The following ZFHX3 variants were observed in gnomAD, a reference collection of about 807,000 sequenced individuals.
ZFHX3 encodes zinc finger homeobox protein 3.
A neutral mutation model predicts 279.1 loss-of-function variants in ZFHX3; 42 were observed. The ratio of observed to expected loss-of-function variants is 0.15; its 90% CI spans 0.12 to 0.19. The LOEUF (loss-of-function observed/expected upper bound fraction) is 0.19, where lower values mean the gene tolerates loss of function less well. Among genes scored for constraint, ZFHX3 ranks in the 10% least tolerant of loss-of-function variants. The probability of loss-of-function intolerance (pLI) is 1.00; values close to 1 mark genes in which losing one functional copy is unlikely to be tolerated. For missense variants in ZFHX3, 4,981 were observed against 4,754.0 expected, an observed-to-expected ratio of 1.05 and a Z score of -1.40; for synonymous variants, 2,293 against 1,957.8, an observed-to-expected ratio of 1.17 and a Z score of -4.52.
chr16:73,836,436 G>A (rs372141587), intron 1 of ZFHX3, among the ~76,000 whole-genome samples: 2 of 152,174 alleles, frequency 1.3e-5, no homozygotes, highest in Non-Finnish European at 2.9e-5. Flanking sequence ...TGGAGGGAAG[G>A]AAACTTTAAA....
chr16:72,876,796 ATAAAT>A (rs1357869997), intron 4 of ZFHX3, among the ~76,000 whole-genome samples: 1 of 152,186 alleles, frequency 6.6e-6, no homozygotes, highest in Non-Finnish European at 1.5e-5. Flanking sequence ...GATTTTTAAA[ATAAAT>A]TAAATTTGTC....
At chr16:73,600,712 G>A (rs146956328) in intron 2 of ZFHX3, among the ~76,000 whole-genome samples, 26 of 152,242 alleles carry the variant, frequency 1.7e-4, no homozygotes, top group African/African-American at 5.3e-4. Flanking sequence ...GAGCCACCAT[G>A]CCTGGCCATT....
chr16:73,738,900 T>C (rs2053630465), intron 1 of ZFHX3, among the ~76,000 whole-genome samples: 2 of 152,122 alleles, frequency 1.3e-5, no homozygotes, highest in Admixed American at 1.3e-4. Flanking sequence ...AGGGTATTTC[T>C]CCCCCTTCCT....
intron 3 of ZFHX3, among the ~76,000 whole-genome samples, chr16:73,337,181 C>T (rs897143850): frequency 6.6e-6 from 1 of 152,184 alleles, no homozygotes; most frequent in African/African-American, 2.4e-5. Flanking sequence ...GATGCTTATC[C>T]TTCATGGCTG....
At chr16:73,812,179 T>A (rs1960446471) in intron 1 of ZFHX3, among the ~76,000 whole-genome samples, 1 of 152,092 alleles carries the variant, frequency 6.6e-6, no homozygotes, top group Admixed American at 6.5e-5. Flanking sequence ...AGGGCTGTAT[T>A]CTCTAGGTAC....
At chr16:73,360,590 T>C (rs1219465767) in intron 3 of ZFHX3, among the ~76,000 whole-genome samples, 11 of 152,232 alleles carry the variant, frequency 7.2e-5, no homozygotes, top group Admixed American at 7.2e-4. Context: ...CCACCCACCT[T>C]GGCCTACCAA....
chr16:73,397,033 C>T (rs527908364), intron 3 of ZFHX3, among the ~76,000 whole-genome samples: 4 of 152,334 alleles, frequency 2.6e-5, no homozygotes, highest in Admixed American at 6.5e-5. Flanking sequence ...TAAACCTAAG[C>T]GGCTCTCTTG....
At chr16:73,128,117 C>T (rs1966603686) in intron 7 of ZFHX3, among the ~76,000 whole-genome samples, 1 of 152,206 alleles carries the variant, frequency 6.6e-6, no homozygotes, top group Non-Finnish European at 1.5e-5. Context: ...TATTGTGTCA[C>T]ATCACTTAAT....
intron 4 of ZFHX3, among the ~76,000 whole-genome samples, chr16:73,260,135 T>G (rs1273497821): frequency 6.6e-6 from 1 of 152,196 alleles, no homozygotes; most frequent in East Asian, 1.9e-4. Flanking sequence ...GGTGAGTTAT[T>G]TTGAAGAATA....
intron 3 of ZFHX3, among the ~76,000 whole-genome samples, chr16:73,411,136 C>T (rs7203412): frequency 0.12 from 18,512 of 152,206 alleles, 1,529 homozygotes; most frequent in African/African-American, 0.23. Flanking sequence ...GGCCCTGTGA[C>T]AGAGAATCCG....
At chr16:73,462,537 AC>A (rs2018490553) in intron 2 of ZFHX3, among the ~76,000 whole-genome samples, 2 of 152,146 alleles carry the variant, frequency 1.3e-5, no homozygotes, top group South Asian at 4.1e-4. Flanking sequence ...TAAGTATAAC[AC>A]TAGCTGTAGG....
chr16:73,166,336 C>A (rs891308274), intron 5 of ZFHX3, among the ~76,000 whole-genome samples: 1 of 152,110 alleles, frequency 6.6e-6, no homozygotes, highest in Non-Finnish European at 1.5e-5. Context: ...GATTCCGAGT[C>A]GGGTTTGGAC....
At chr16:73,124,966 C>T (rs182656751) in intron 7 of ZFHX3, among the ~76,000 whole-genome samples, 62 of 152,258 alleles carry the variant, frequency 4.1e-4, no homozygotes, top group Admixed American at 7.8e-4. Context: ...ATTGGCCAAA[C>T]CCAACTGGAA....
intron 1 of ZFHX3, among the ~76,000 whole-genome samples, chr16:73,700,843 T>G (rs2053239577): frequency 6.6e-6 from 1 of 152,228 alleles, no homozygotes; most frequent in South Asian, 2.1e-4. Flanking sequence ...ATTTTTTTAG[T>G]AACTCAAATG....
chr16:73,149,065 T>G (rs995596513), intron 5 of ZFHX3, among the ~76,000 whole-genome samples: 3 of 148,876 alleles, frequency 2.0e-5, no homozygotes. Flanking sequence ...GCACTTAAAA[T>G]AGGGCCTGGC....
At chr16:72,853,857 A>G (rs1024748184) in intron 4 of ZFHX3, among the ~76,000 whole-genome samples, 1 of 152,102 alleles carries the variant, frequency 6.6e-6, no homozygotes, top group Non-Finnish European at 1.5e-5. Context: ...GCAGGAGGAG[A>G]GAGCTAGGTG....
intron 3 of ZFHX3, among the ~76,000 whole-genome samples, chr16:73,335,370 G>A (rs1452324923): frequency 6.6e-6 from 1 of 152,168 alleles, no homozygotes; most frequent in Admixed American, 6.5e-5. Flanking sequence ...TGATTTTAAA[G>A]AACCCAACAA....
At chr16:73,544,265 C>T (rs1383596173) in intron 2 of ZFHX3, among the ~76,000 whole-genome samples, 2 of 152,140 alleles carry the variant, frequency 1.3e-5, no homozygotes, top group Admixed American at 6.5e-5. Flanking sequence ...ATGCATGTGT[C>T]GGGGCTTCTC....
At chr16:73,514,725 C>T (rs2019490601) in intron 2 of ZFHX3, among the ~76,000 whole-genome samples, 2 of 152,182 alleles carry the variant, frequency 1.3e-5, no homozygotes, top group Admixed American at 1.3e-4. Context: ...GAGACTACCT[C>T]CTGCTAAAGC....
Sources: allele counts gnomAD v4.1 joint callset (sites outside exome capture counted in the v4.1 genomes callset), GRCh38; gene constraint gnomAD v4.1.1; transcripts MANE v1.5; gene names NCBI Gene and HGNC (gene_info 2026-07-23, HGNC 2026-07-21).